The following ZFYVE9 variants were observed in gnomAD, a reference collection of about 807,000 sequenced individuals.
The protein encoded by ZFYVE9 is zinc finger FYVE-type containing 9.
In ZFYVE9, 43 loss-of-function variants were observed where a neutral mutation model predicts 126.7. The observed-to-expected ratio is 0.34, with a 90% CI of 0.27 to 0.44. The LOEUF is 0.44. Among genes scored for constraint, ZFYVE9 ranks in the 20% least tolerant of loss-of-function variants. ZFYVE9 has a pLI of 1.00. For synonymous variants in ZFYVE9, 521 were observed against 597.4 expected (o/e 0.87, Z 1.87); for missense variants, 1,476 against 1,697.0 (o/e 0.87, Z 2.29).
chr1:52,152,965 G>GA (rs1201884974), intron 1 of ZFYVE9, among the ~76,000 whole-genome samples: 1 of 152,214 alleles, frequency 6.6e-6, no homozygotes, highest in Non-Finnish European at 1.5e-5. Context: ...ATGCAGATCT[G>GA]AAAAAATCTC....
intron 13 of ZFYVE9, among the ~76,000 whole-genome samples, chr1:52,315,503 G>A (rs1287199922): frequency 1.3e-5 from 2 of 151,938 alleles, no homozygotes; most frequent in Admixed American, 1.3e-4. Context: ...AATGTAGAAC[G>A]GTAACAAAAA....
At position 52,233,212 on chromosome 1, in the gene ZFYVE9, G is replaced by C. The variant is rs1379830010; in HGVS notation, c.6G>C (p.Glu2Asp). 2 of 1,578,490 alleles carry C rather than the reference G, an allele frequency of 1.3e-6. No individual in the cohort carries two copies. The highest frequency in any genetic ancestry group is 2.7e-5 in the African/African-American group (2 of 74,292). The change falls in exon 3 of 19, where the codon GAG becomes GAC. Residue 2 changes from glutamate to aspartate, a missense_variant. This residue lies in a region of ZFYVE9 where 807 missense variants were observed against 794.6 expected (regional missense o/e 1.02). Transcript: ENST00000287727. MENYFQAEAYNL... is the reference protein window; with the variant it reads MDNYFQAEAYNL... ...TAAGTGGTGTTTCCTCACCGATGGA[G>C]AATTACTTCCAAGCAGAAGCTTACA...
At chr1:52,157,561 C>T (rs1387708201) in intron 1 of ZFYVE9, among the ~76,000 whole-genome samples, 3 of 151,420 alleles carry the variant, frequency 2.0e-5, no homozygotes, top group Non-Finnish European at 4.4e-5. Flanking sequence ...ACCACCACAC[C>T]TGGCTAATTT....
intron 4 of ZFYVE9, among the ~76,000 whole-genome samples, chr1:52,256,127 G>A (rs973928901): frequency 1.3e-5 from 2 of 149,534 alleles, no homozygotes; most frequent in Non-Finnish European, 3.0e-5. Context: ...GTGCAATGGC[G>A]CGATCTCAGC....
At chr1:52,220,916 G>A (rs539553516) in intron 2 of ZFYVE9, among the ~76,000 whole-genome samples, 2 of 152,336 alleles carry the variant, frequency 1.3e-5, no homozygotes, top group South Asian at 4.1e-4. Flanking sequence ...GCTTTCAAAA[G>A]ATGGATTCTT....
chr1:52,216,867 A>G (rs1349744263), intron 2 of ZFYVE9, among the ~76,000 whole-genome samples: 1 of 152,162 alleles, frequency 6.6e-6, no homozygotes, highest in Non-Finnish European at 1.5e-5. Flanking sequence ...TTTATTTTGT[A>G]TTTTTAGGTA....
intron 6 of ZFYVE9, among the ~76,000 whole-genome samples, chr1:52,267,283 T>C (rs1251201360): frequency 6.6e-6 from 1 of 152,236 alleles, no homozygotes; most frequent in South Asian, 2.1e-4. Context: ...ATTTTTAATC[T>C]GTCCATATAA....
intron 10 of ZFYVE9, among the ~76,000 whole-genome samples, chr1:52,287,365 GGC>G (rs904433558): frequency 3.3e-5 from 5 of 152,012 alleles, no homozygotes; most frequent in African/African-American, 1.2e-4. Flanking sequence ...CACCCGCCTG[GGC>G]CACCCAAAAT....
intron 1 of ZFYVE9, among the ~76,000 whole-genome samples, chr1:52,181,802 C>T (rs1369485319): frequency 6.6e-6 from 1 of 152,050 alleles, no homozygotes; most frequent in African/African-American, 2.4e-5. Context: ...AGGAGCGTCT[C>T]TGGCTGGCCG....
At chr1:52,326,951 A>C (rs1308941932) in intron 13 of ZFYVE9, among the ~76,000 whole-genome samples, 2 of 152,100 alleles carry the variant, frequency 1.3e-5, no homozygotes, top group Non-Finnish European at 1.5e-5. Context: ...TCACCAGGTC[A>C]GGAGATAGAG....
Position 52,274,710 on chromosome 1 carries a change from A to C in ZFYVE9, c.2746+126A>C, listed in dbSNP as rs944523561. ...TTATCCAACAAAACAAACTCCCCCA[A>C]AACTATGAAAATGGTTGTTGCTGTT... is the stretch of plus-strand genomic sequence containing the variant. On this transcript the variant is annotated intron_variant, in intron 8 of 18. Coordinates refer to ENST00000287727, the MANE Select transcript of ZFYVE9 (RefSeq NM_004799.4). The C allele has an allele frequency of 3.0e-5, 30 of 1,010,112 alleles. No homozygotes were observed. The African/African-American group carries it at 4.7e-4, about 16-fold the overall frequency. The allele number at this position is 1,010,112 out of a possible 1,614,324, so 62.6% of individuals were successfully genotyped here. A position where few individuals can be genotyped will look rare whatever the true frequency, so the allele number is the denominator to read the frequency against.
At chr1:52,261,214 T>TTTTC (rs1238793916) in intron 4 of ZFYVE9, among the ~76,000 whole-genome samples, 8 of 151,548 alleles carry the variant, frequency 5.3e-5, no homozygotes, top group East Asian at 3.9e-4. Context: ...TGGTTTTTCT[T>TTTTC]TTTCTTTCTT....
In ZFYVE9 at chr1:52,346,487, C is replaced by CTA; in HGVS notation, c.*267_*268dup. 1 of 418,470 alleles carries CTA rather than the reference C, an allele frequency of 2.4e-6. No homozygotes were observed. 25.9% of individuals were successfully genotyped at this position (418,470 alleles called of 1,614,324 possible). Reference sequence around the variant, plus strand: ...CACAACAGTTATGCTATCCTTGCAGCTAATCCCCTTCTGTTACTGTTTAGA... The same window carrying CTA: ...CACAACAGTTATGCTATCCTTGCAGCTATAATCCCCTTCTGTTACTGTTTAGA... On this transcript the variant is annotated 3_prime_UTR_variant, in exon 19 of 19. Transcript: ENST00000287727.
chr1:52,233,289 A>G lies in ZFYVE9; in HGVS notation c.70+13A>G. 1 of 1,566,088 alleles carries G rather than the reference A, an allele frequency of 6.4e-7. No homozygotes were observed. The highest frequency in any genetic ancestry group is 8.7e-7 in the Non-Finnish European group (1 of 1,151,526). Reference sequence around the variant, plus strand: ...GAACAAAACGAAGGTGAGAATTTATATTGGTGAATCTGTTTGCCTATGTGG... The same window carrying G: ...GAACAAAACGAAGGTGAGAATTTATGTTGGTGAATCTGTTTGCCTATGTGG... On this transcript the variant is annotated intron_variant, in intron 3 of 18. Transcript: ENST00000287727.
At chr1:52,285,882 C>T (rs1230297763) in intron 10 of ZFYVE9, among the ~76,000 whole-genome samples, 2 of 152,136 alleles carry the variant, frequency 1.3e-5, no homozygotes, top group Admixed American at 6.5e-5. Flanking sequence ...AGGCTGGGCA[C>T]GGTGGCTCAT....
chr1:52,303,399 G>A (rs1646053423), intron 12 of ZFYVE9, among the ~76,000 whole-genome samples: 1 of 152,012 alleles, frequency 6.6e-6, no homozygotes, highest in South Asian at 2.1e-4. Flanking sequence ...ATGTGTTAGT[G>A]TGTGTGTGTG....
chr1:52,228,829 A>T (rs1400070888), intron 2 of ZFYVE9, among the ~76,000 whole-genome samples: 1 of 151,998 alleles, frequency 6.6e-6, no homozygotes, highest in Non-Finnish European at 1.5e-5. Context: ...TCCAGAATCA[A>T]GTCAGTGCCT....
chr1:52,262,695 C>A (rs1470062826), intron 4 of ZFYVE9, among the ~76,000 whole-genome samples: 1 of 152,148 alleles, frequency 6.6e-6, no homozygotes, highest in Non-Finnish European at 1.5e-5. Context: ...GCTGTAAAAA[C>A]TGAAGAAGTA....
At chr1:52,198,018 G>A (rs146189384) in intron 1 of ZFYVE9, among the ~76,000 whole-genome samples, 61 of 152,156 alleles carry the variant, frequency 4.0e-4, no homozygotes, top group South Asian at 2.3e-3. Context: ...TCGAATGGAG[G>A]TGGTAAAGAC....
Sources: gnomAD v4.1 joint callset for allele counts (sites outside exome capture counted in the v4.1 genomes callset) on GRCh38, gnomAD v4.1.1 for gene constraint, gnomAD v4.1.1 regional missense constraint, MANE v1.5 for transcripts, NCBI Gene and HGNC (gene_info 2026-07-23, HGNC 2026-07-21) for gene names.